SRGAP1: variants seen among roughly 807,000 people sequenced by gnomAD.
The protein encoded by SRGAP1 is SLIT-ROBO Rho GTPase-activating protein 1.
In SRGAP1, 43 loss-of-function variants were observed where a neutral mutation model predicts 121.9. The ratio of observed to expected loss-of-function variants is 0.35; its 90% CI spans 0.28 to 0.46. The LOEUF is 0.46. SRGAP1 is among the 20% of genes least tolerant of loss of function. The pLI is 1.00. For synonymous variants in SRGAP1, 447 were observed against 485.4 expected, an observed-to-expected ratio of 0.92 and a Z score of 1.04; for missense variants, 1,102 against 1,350.9, an observed-to-expected ratio of 0.82 and a Z score of 2.89.
chr12:64,107,801 A>G (rs1026253987), intron 15 of SRGAP1, among the ~76,000 whole-genome samples: 1 of 152,214 alleles, frequency 6.6e-6, no homozygotes, highest in Non-Finnish European at 1.5e-5. Context: ...TTTCAAACAT[A>G]ATACTTTTTT....
chr12:64,066,002 G>GT (rs532429244), intron 8 of SRGAP1, among the ~76,000 whole-genome samples: 338 of 150,842 alleles, frequency 2.2e-3, no homozygotes, highest in African/African-American at 8.0e-3. Context: ...TTGAATTCAC[G>GT]TTCTCCTAAA....
intron 15 of SRGAP1, among the ~76,000 whole-genome samples, chr12:64,104,529 G>A (rs770334992): frequency 1.1e-4 from 17 of 152,182 alleles, no homozygotes; most frequent in Admixed American, 3.3e-4. Flanking sequence ...ATTCATCAGG[G>A]TGTCAGCAGC....
At chr12:64,080,545 C>G (rs1242363406) in intron 10 of SRGAP1, 175 bp downstream of exon 10, 2 of 701,232 alleles carry the variant, frequency 2.9e-6, no homozygotes, top group African/African-American at 3.5e-5. Context: ...CGATTTTCTT[C>G]TAAAGCATGG....
chr12:64,096,493 T>G, intron 14 of SRGAP1, among the ~76,000 whole-genome samples: 1 of 152,324 alleles, frequency 6.6e-6, no homozygotes, highest in South Asian at 2.1e-4. Context: ...AGAGGAACAA[T>G]AACCAGACTT....
At chr12:64,032,685 A>C in intron 4 of SRGAP1, 10 of 137,738 alleles carry the variant, frequency 7.3e-5, no homozygotes, top group East Asian at 3.8e-4. Flanking sequence ...CTTTCAAAGC[A>C]AAAAAAAAAA....
Position 64,151,970 on chromosome 12 carries a change from A to G in SRGAP1, c.*9298A>G, listed in dbSNP as rs1170958170. 2.0e-5 allele frequency: 3 copies of G among 152,252 alleles called. No homozygotes were observed. The highest frequency in any genetic ancestry group is 4.4e-5 in the Non-Finnish European group (3 of 68,052). 9.4% of individuals were successfully genotyped at this position (152,252 alleles called of 1,614,324 possible). A position where few individuals can be genotyped will look rare whatever the true frequency, so the allele number is the denominator to read the frequency against. On this transcript the variant is annotated 3_prime_UTR_variant, in exon 22 of 22. Transcript: ENST00000355086. ...AATTCTGTGCACCATTCCCCTTGCC[A>G]CAACGATTGCCGTAGCTTCCACGGT...
chr12:64,003,023 T>TGA (rs141854046), intron 3 of SRGAP1, among the ~76,000 whole-genome samples: 1,530 of 106,810 alleles, frequency 0.014, 13 homozygotes, highest in South Asian at 0.023. Context: ...TGTATGTGAG[T>TGA]GAGAGAGAGA....
At chr12:64,127,386 GAAATTGCT>G (rs901833231) in intron 19 of SRGAP1, among the ~76,000 whole-genome samples, 196 bp from the exon 20 acceptor site, 1 of 152,184 alleles carries the variant, frequency 6.6e-6, no homozygotes, top group Non-Finnish European at 1.5e-5. Flanking sequence ...TTGTATAACT[GAAATTGCT>G]GTTGTACCTG....
intron 3 of SRGAP1, among the ~76,000 whole-genome samples, chr12:64,010,122 A>G (rs1489689705): frequency 1.3e-5 from 2 of 152,172 alleles, no homozygotes; most frequent in East Asian, 3.8e-4. Context: ...CTGACTGAGC[A>G]TGAGACACTG....
chr12:64,018,492 G>C (rs2034466043), intron 4 of SRGAP1, among the ~76,000 whole-genome samples: 1 of 152,106 alleles, frequency 6.6e-6, no homozygotes, highest in African/African-American at 2.4e-5. Flanking sequence ...GTAAAATACA[G>C]TTTTGTAAAT....
chr12:63,914,598 G>A (rs2030696845), intron 1 of SRGAP1, among the ~76,000 whole-genome samples: 1 of 152,138 alleles, frequency 6.6e-6, no homozygotes, highest in African/African-American at 2.4e-5. Flanking sequence ...AAAAGTCCTT[G>A]TATCACGTTG....
intron 1 of SRGAP1, among the ~76,000 whole-genome samples, chr12:63,857,281 G>A (rs1027746989): frequency 6.6e-6 from 1 of 151,876 alleles, no homozygotes; most frequent in African/African-American, 2.4e-5. Context: ...ATTTCTCCAT[G>A]TTGGCCAGGC....
At chr12:63,879,685 A>C (rs1273218714) in intron 1 of SRGAP1, among the ~76,000 whole-genome samples, 1 of 152,200 alleles carries the variant, frequency 6.6e-6, no homozygotes, top group East Asian at 1.9e-4. Context: ...ATTTATTTAA[A>C]ATATTCATAT....
chr12:63,971,777 T>G (rs1402432812), intron 1 of SRGAP1, among the ~76,000 whole-genome samples: 1 of 152,066 alleles, frequency 6.6e-6, no homozygotes, highest in Non-Finnish European at 1.5e-5. Context: ...TGTGTGTGTG[T>G]GTGTGTGATC....
At position 64,146,460 on chromosome 12, in the gene SRGAP1, A is replaced by G. The variant is rs1337532742; in HGVS notation, c.*3788A>G. Reference sequence around the variant, plus strand: ...GTTGTGTCCTTAACATTTAGGAATGACATAGCCTCTGGAGTCTACAAACTG... The same window carrying G: ...GTTGTGTCCTTAACATTTAGGAATGGCATAGCCTCTGGAGTCTACAAACTG... On this transcript the variant is annotated 3_prime_UTR_variant, in exon 22 of 22. Coordinates refer to ENST00000355086, the MANE Select transcript of SRGAP1 (RefSeq NM_020762.4). 1 of 152,154 alleles carries G rather than the reference A, an allele frequency of 6.6e-6. No homozygotes were observed. The highest frequency in any genetic ancestry group is 1.5e-5 in the Non-Finnish European group (1 of 68,028). 9.4% of individuals were successfully genotyped at this position (152,154 alleles called of 1,614,324 possible).
In SRGAP1 at chr12:64,151,314, C is replaced by T. The variant is rs939189744; in HGVS notation, c.*8642C>T. 6.6e-6 allele frequency: 1 copy of T among 152,146 alleles called. No individual in the cohort carries two copies. The highest frequency in any genetic ancestry group is 1.5e-5 in the Non-Finnish European group (1 of 68,024). The allele number at this position is 152,146 out of a possible 1,614,324, so 9.4% of individuals were successfully genotyped here. A position where few individuals can be genotyped will look rare whatever the true frequency, so the allele number is the denominator to read the frequency against. ...TTATAGCAATTCACACTAGGAGTCTCAGTCAACATGATTTTTTAATGGCTG... is the reference window on the plus strand; with the variant it reads ...TTATAGCAATTCACACTAGGAGTCTTAGTCAACATGATTTTTTAATGGCTG... On this transcript the variant is annotated 3_prime_UTR_variant, in exon 22 of 22. Transcript: ENST00000355086.
Position 64,108,982 on chromosome 12 carries a change from A to C in SRGAP1, c.1864A>C (p.Thr622Pro). Residue 622 changes from threonine to proline, a missense_variant, in exon 16 of 22, where the codon ACT (threonine) becomes CCT (proline). Thr to Pro is a conservative substitution (Grantham distance 38). Around this residue, in one of 3 missense-constraint regions of SRGAP1, gnomAD observed 747 missense variants for 929.4 expected, o/e 0.80. Transcript: ENST00000355086. ...GCTTCACATCCGCAAACTCCTCCTG[A>C]CTTTGCCCAGGTCGGTCCTTATAGT... ...RALHIRKLLLTLPRSVLIVMR... is the reference protein window; with the variant it reads ...RALHIRKLLLPLPRSVLIVMR... The C allele has an allele frequency of 6.2e-7, 1 of 1,604,766 alleles. No individual in the cohort carries two copies. Among genetic ancestry groups the C allele is most frequent in the Non-Finnish European group, 8.5e-7 (1 of 1,173,722 alleles).
intron 7 of SRGAP1, among the ~76,000 whole-genome samples, chr12:64,064,008 A>G (rs2035495387): frequency 1.3e-5 from 2 of 151,960 alleles, no homozygotes; most frequent in Non-Finnish European, 2.9e-5. Context: ...TGTGTGTTTG[A>G]TAGAAATGGT....
intron 8 of SRGAP1, among the ~76,000 whole-genome samples, chr12:64,074,491 C>T (rs930596638): frequency 1.3e-5 from 2 of 152,204 alleles, no homozygotes; most frequent in Non-Finnish European, 2.9e-5. Context: ...TCCTACTTCT[C>T]ATATAAAGCT....
Sources: allele counts gnomAD v4.1 joint callset (sites outside exome capture counted in the v4.1 genomes callset), GRCh38; gene constraint gnomAD v4.1.1; regional missense constraint gnomAD v4.1.1; transcripts MANE v1.5; gene names NCBI Gene and HGNC (gene_info 2026-07-23, HGNC 2026-07-21).